FHIT: variants seen among roughly 807,000 people sequenced by gnomAD.
The protein encoded by FHIT is fragile histidine triad diadenosine triphosphatase, also known as bis(5'-adenosyl)-triphosphatase.
In FHIT, 19 loss-of-function variants were observed where a neutral mutation model predicts 17.9. The observed-to-expected ratio is 1.06, with a 90% CI of 0.74 to 1.56. FHIT has a LOEUF of 1.56. Among genes scored for constraint, FHIT ranks in the 40% most tolerant of loss-of-function variants. The probability of loss-of-function intolerance (pLI) is 0.00; values close to 1 mark genes in which losing one functional copy is unlikely to be tolerated. For missense variants in FHIT, 248 were observed against 189.2 expected (o/e 1.31, Z -1.82); for synonymous variants, 81 against 69.7 (o/e 1.16, Z -0.81).
intron 2 of FHIT, among the ~76,000 whole-genome samples, chr3:61,053,857 C>T (rs1046280012): frequency 1.3e-5 from 2 of 152,034 alleles, no homozygotes; most frequent in African/African-American, 4.8e-5. Context: ...TGGAGCGAAC[C>T]CAATCTAAAG....
At chr3:61,071,589 T>G (rs551041102) in intron 2 of FHIT, among the ~76,000 whole-genome samples, 35 of 152,308 alleles carry the variant, frequency 2.3e-4, no homozygotes, top group African/African-American at 8.4e-4. Context: ...AAAATTAGTT[T>G]ATAGGAAAAT....
At chr3:61,206,646 T>C (rs867754391) in intron 1 of FHIT, among the ~76,000 whole-genome samples, 3 of 152,136 alleles carry the variant, frequency 2.0e-5, no homozygotes, top group South Asian at 2.1e-4. Context: ...AAGGAATGCT[T>C]GTGATTTTTG....
intron 8 of FHIT, among the ~76,000 whole-genome samples, chr3:59,834,670 C>T (rs955508147): frequency 4.6e-5 from 7 of 152,066 alleles, no homozygotes; most frequent in Non-Finnish European, 8.8e-5. Flanking sequence ...GGCACTAATC[C>T]CATTCCTGAG....
At chr3:60,660,201 A>G (rs1458479247) in intron 4 of FHIT, among the ~76,000 whole-genome samples, 1 of 152,202 alleles carries the variant, frequency 6.6e-6, no homozygotes, top group Non-Finnish European at 1.5e-5. Flanking sequence ...CTTCAGCTGG[A>G]GAAAGAAGGG....
chr3:61,241,122 G>A (rs1426050666), intron 1 of FHIT, among the ~76,000 whole-genome samples: 1 of 152,102 alleles, frequency 6.6e-6, no homozygotes, highest in East Asian at 1.9e-4. Flanking sequence ...ACCATTTTTT[G>A]TTGTTCTACC....
chr3:60,428,600 C>A (rs1163262085), intron 5 of FHIT, among the ~76,000 whole-genome samples: 4 of 152,052 alleles, frequency 2.6e-5, no homozygotes, highest in Non-Finnish European at 4.4e-5. Flanking sequence ...GATAAAGAAA[C>A]TGAAGAGTTG....
intron 4 of FHIT, among the ~76,000 whole-genome samples, chr3:60,546,827 C>A (rs372599204): frequency 1.3e-5 from 2 of 152,122 alleles, no homozygotes; most frequent in East Asian, 3.9e-4. Context: ...AAGCATGTCT[C>A]GTTGTCTGCC....
chr3:60,056,473 C>G (rs1002210381), intron 5 of FHIT, among the ~76,000 whole-genome samples: 1 of 152,202 alleles, frequency 6.6e-6, no homozygotes, highest in African/African-American at 2.4e-5. Flanking sequence ...CTCTTCTGCA[C>G]TCCTTATTGT....
intron 5 of FHIT, among the ~76,000 whole-genome samples, chr3:60,528,295 T>C (rs1300607346): frequency 2.0e-5 from 3 of 152,136 alleles, no homozygotes; most frequent in Non-Finnish European, 2.9e-5. Context: ...ACTCCAATAA[T>C]GCATTGTTAG....
chr3:60,588,314 T>A (rs574959621), intron 4 of FHIT, among the ~76,000 whole-genome samples: 2 of 152,152 alleles, frequency 1.3e-5, no homozygotes, highest in South Asian at 4.2e-4. Flanking sequence ...ATTTACTGAT[T>A]TCTTTAAAAT....
At chr3:60,849,054 T>C (rs782381204) in intron 3 of FHIT, among the ~76,000 whole-genome samples, 20 of 152,174 alleles carry the variant, frequency 1.3e-4, no homozygotes, top group Non-Finnish European at 2.5e-4. Context: ...ACTATAGTTA[T>C]CCATGCAGAC....
intron 1 of FHIT, among the ~76,000 whole-genome samples, chr3:61,250,695 G>T (rs1048033341): frequency 6.6e-6 from 1 of 151,308 alleles, no homozygotes; most frequent in South Asian, 2.1e-4. Context: ...TCCCCCCTTT[G>T]ACGCTAAAAA....
chr3:61,094,123 A>AGT lies in FHIT; in HGVS notation c.-163-52026_-163-52025dup, dbSNP rs146715486. ...ATATATACATGTATGAATGCAACCA[A>AGT]GTGTGTGTGTGTGTGTGTGTGTATT... On this transcript the variant is annotated intron_variant, in intron 2 of 9. Coordinates refer to ENST00000492590, the MANE Select transcript of FHIT (RefSeq NM_002012.4). Among the ~76,000 whole-genome samples the AGT allele has an allele frequency of 4.8e-3, 717 of 150,232 alleles. 5 individuals are homozygous for AGT. The highest frequency in any genetic ancestry group is 0.024 in the East Asian group (124 of 5,110).
intron 5 of FHIT, among the ~76,000 whole-genome samples, chr3:60,291,629 T>C (rs73836412): frequency 0.18 from 27,886 of 152,142 alleles, 2,778 homozygotes; most frequent in South Asian, 0.25. Context: ...TTTCTTGGGA[T>C]GCTTTTCATT....
At position 60,589,434 on chromosome 3, in the gene FHIT, A is replaced by G. The variant is rs191406608; in HGVS notation, c.-17-52455T>C. On this transcript the variant is annotated intron_variant, in intron 4 of 9. Coordinates refer to ENST00000492590, the MANE Select transcript of FHIT (RefSeq NM_002012.4). ...CTTTTCCCAGAATAACATATCCTGGAGGCCATTCTCCACAGTACATACACA... is the reference window on the plus strand; with the variant it reads ...CTTTTCCCAGAATAACATATCCTGGGGGCCATTCTCCACAGTACATACACA... Among the ~76,000 whole-genome samples the G allele has an allele frequency of 8.5e-4, 130 of 152,204 alleles. 2 individuals are homozygous for G. The highest frequency in any genetic ancestry group is 7.5e-3 in the Admixed American group (115 of 15,276).
intron 7 of FHIT, among the ~76,000 whole-genome samples, chr3:59,940,654 C>T (rs1575733738): frequency 2.6e-5 from 4 of 152,280 alleles, no homozygotes; most frequent in Admixed American, 2.6e-4. Context: ...GAAATCCCCA[C>T]CCCAACTTTC....
intron 5 of FHIT, among the ~76,000 whole-genome samples, chr3:60,075,700 T>C (rs1030977204): frequency 6.6e-6 from 1 of 152,044 alleles, no homozygotes; most frequent in Non-Finnish European, 1.5e-5. Context: ...TTGTTTACCA[T>C]GGACAGCCTT....
chr3:60,220,090 G>T (rs1347227240), intron 5 of FHIT, among the ~76,000 whole-genome samples: 1 of 152,112 alleles, frequency 6.6e-6, no homozygotes, highest in Admixed American at 6.6e-5. Context: ...ATGAATTTTA[G>T]ATCTAAATTT....
intron 8 of FHIT, 123 bp from the exon 9 acceptor site, chr3:59,752,444 T>C: frequency 1.6e-6 from 1 of 610,616 alleles, no homozygotes. Flanking sequence ...GTGTATCTTT[T>C]AATTGTTTCA....
Sources: gnomAD v4.1 joint callset for allele counts (sites outside exome capture counted in the v4.1 genomes callset) on GRCh38, gnomAD v4.1.1 for gene constraint, MANE v1.5 for transcripts, NCBI Gene and HGNC (gene_info 2026-07-23, HGNC 2026-07-21) for gene names.